The following SSB variants were observed in gnomAD, a reference collection of about 807,000 sequenced individuals.
SSB encodes lupus La protein.
A neutral mutation model predicts 52.9 loss-of-function variants in SSB; 17 were observed. The ratio of observed to expected loss-of-function variants is 0.32; its 90% CI spans 0.22 to 0.48. The LOEUF (loss-of-function observed/expected upper bound fraction) is 0.48, where lower values mean the gene tolerates loss of function less well. Among genes scored for constraint, SSB ranks in the 20% least tolerant of loss-of-function variants. The probability of loss-of-function intolerance (pLI) is 0.99; values close to 1 mark genes in which losing one functional copy is unlikely to be tolerated. For missense variants in SSB, 314 were observed against 463.6 expected, an observed-to-expected ratio of 0.68 and a Z score of 2.96; for synonymous variants, 111 against 152.1, an observed-to-expected ratio of 0.73 and a Z score of 1.99.
Position 169,808,563 on chromosome 2 carries a change from T to A in SSB, c.626+10T>A. On this transcript the variant is annotated intron_variant, in intron 7 of 11. Coordinates refer to ENST00000260956, the MANE Select transcript of SSB (RefSeq NM_003142.5). ...AATTAAGAGCTAAACAGTAAGTATG[T>A]TGAACTAATCACGACATAATTTGAA... 6.3e-6 allele frequency: 10 copies of A among 1,595,430 alleles called. No homozygotes were observed. The highest frequency in any genetic ancestry group is 8.6e-6 in the Non-Finnish European group (10 of 1,163,694).
Position 169,810,855 on chromosome 2 carries a change from T to C in SSB, c.811-3T>C. ...TGGCTTTTGTTTTCTGTCTCTGGTA[T>C]AGGGGATAATTCTATTTAAAGAAAA... is the stretch of plus-strand genomic sequence containing the variant. On this transcript the variant is annotated splice_region_variant and splice_polypyrimidine_tract_variant and intron_variant, in intron 9 of 11. Transcript: ENST00000260956. The C allele has an allele frequency of 1.9e-6, 3 of 1,600,170 alleles. No homozygotes were observed. Among genetic ancestry groups the C allele is most frequent in the Non-Finnish European group, 2.6e-6 (3 of 1,176,470 alleles).
At chr2:169,810,243 CT>C (rs1689919839) in intron 8 of SSB, 39 bp from the exon 9 acceptor site, 1 of 1,534,828 alleles carries the variant, frequency 6.5e-7, no homozygotes, top group African/African-American at 1.4e-5. Context: ...TCTGTTGTTG[CT>C]TTTAAGAAAC....
intron 2 of SSB, among the ~76,000 whole-genome samples, chr2:169,801,476 C>T (rs1323594947): frequency 6.6e-6 from 1 of 150,424 alleles, no homozygotes; most frequent in Non-Finnish European, 1.5e-5. Context: ...TTTTTCTGCC[C>T]AGTCAGTTCT....
rs1038391241 is a variant in SSB at position 169,811,875 on chromosome 2, A to C, written c.*119A>C. On this transcript the variant is annotated 3_prime_UTR_variant, in exon 12 of 12. Transcript: ENST00000260956. ...AATGTCCACCTGTGAGAAAGGAAAA[A>C]TTTTTTTGTTGTTTAACTTGTCTTT... is the stretch of plus-strand genomic sequence containing the variant. The C allele has an allele frequency of 2.2e-5, 36 of 1,611,820 alleles. No individual in the cohort carries two copies. The highest frequency in any genetic ancestry group is 8.9e-5 in the East Asian group (4 of 44,802).
chr2:169,801,106 G>T, intron 2 of SSB, 80 bp downstream of exon 2: 1 of 1,164,556 alleles, frequency 8.6e-7, no homozygotes, highest in South Asian at 1.6e-5. Flanking sequence ...CTAGTACATG[G>T]ACATATTCAA....
At chr2:169,800,143 A>G (rs1460293450) in intron 1 of SSB, among the ~76,000 whole-genome samples, 2 of 152,212 alleles carry the variant, frequency 1.3e-5, no homozygotes, top group Non-Finnish European at 2.9e-5. Flanking sequence ...GTTCCTTAGC[A>G]TAGAGTATCT....
At chr2:169,802,889 A>G (rs1689740133) in intron 2 of SSB, among the ~76,000 whole-genome samples, 1 of 152,200 alleles carries the variant, frequency 6.6e-6, no homozygotes, top group Non-Finnish European at 1.5e-5. Context: ...TTTGTAATCA[A>G]TAATCTTTTC....
At position 169,811,822 on chromosome 2, in the gene SSB, A is replaced by C. The variant is rs1160030451; in HGVS notation, c.*66A>C. 3 of 1,613,690 alleles carry C rather than the reference A, an allele frequency of 1.9e-6. No individual in the cohort carries two copies. The African/African-American group carries it at 4.0e-5, about 21-fold the overall frequency. ...AACGACTTTTGTTTGCGGGGCTTTT[A>C]AAAGGAAAACCGAATTAGGTCCACT... On this transcript the variant is annotated 3_prime_UTR_variant, in exon 12 of 12. Transcript: ENST00000260956.
At chr2:169,809,504 G>C (rs1689899218) in intron 8 of SSB, among the ~76,000 whole-genome samples, 1 of 152,064 alleles carries the variant, frequency 6.6e-6, no homozygotes, top group Non-Finnish European at 1.5e-5. Context: ...CTAATCATAG[G>C]TTAATACTAA....
At chr2:169,808,619 G>C in intron 7 of SSB, 66 bp downstream of exon 7, 1 of 1,415,232 alleles carries the variant, frequency 7.1e-7, no homozygotes, top group Non-Finnish European at 9.9e-7. Context: ...AATATAGCTG[G>C]TGAGCTCTGA....
rs1293599870 is a variant in SSB, at chr2:169,805,460, T to G, written c.67-14T>G. 1 of 1,577,914 alleles carries G rather than the reference T, an allele frequency of 6.3e-7. No individual in the cohort carries two copies. Among genetic ancestry groups the G allele is most frequent in the Admixed American group, 1.7e-5 (1 of 59,934 alleles). ...TTATACAGTGTTCTGAAATACATTG[T>G]AATTATCTCACAGTATTATTTTGGC... is the stretch of plus-strand genomic sequence containing the variant. On this transcript the variant is annotated splice_polypyrimidine_tract_variant and intron_variant, in intron 2 of 11. Transcript: ENST00000260956.
chr2:169,804,240 CTTTTTTT>C (rs11447613), intron 2 of SSB, among the ~76,000 whole-genome samples: 3 of 95,342 alleles, frequency 3.1e-5, no homozygotes, highest in African/African-American at 1.3e-4. Context: ...TTTACTTTAA[CTTTTTTT>C]TTTTTTTTTT....
In SSB at chr2:169,810,324, G is replaced by A. The variant is rs377399178; in HGVS notation, c.711G>A (p.Ser237=). The A allele has an allele frequency of 3.4e-5, 55 of 1,605,532 alleles. No homozygotes were observed. The East Asian group carries it at 6.9e-4, about 20-fold the overall frequency. Residue 237 remains serine (S), a synonymous_variant, in exon 9 of 12, where the codon TCG becomes TCA. Transcript: ENST00000260956. The part of the protein sequence containing the change: ...EEKIGCLLKF[S]GDLDDQTCRE... ...AGATTGGATGCTTGCTGAAATTTTC[G>A]GGTGATTTAGATGATCAGACCTGTA...
At chr2:169,806,757 T>G in intron 4 of SSB, 28 bp from the exon 5 acceptor site, 2 of 1,528,448 alleles carry the variant, frequency 1.3e-6, no homozygotes, top group Non-Finnish European at 1.8e-6. Flanking sequence ...TTATTTGTTA[T>G]TTGTACATTT....
At chr2:169,802,489 TTATGAC>T (rs893348852) in intron 2 of SSB, among the ~76,000 whole-genome samples, 76 of 152,140 alleles carry the variant, frequency 5.0e-4, no homozygotes, top group South Asian at 8.3e-4. Flanking sequence ...ATTAATTTCT[TTATGAC>T]TATGAGGAGA....
chr2:169,805,084 C>G (rs1689800878), intron 2 of SSB, among the ~76,000 whole-genome samples: 1 of 152,054 alleles, frequency 6.6e-6, no homozygotes, highest in Admixed American at 6.6e-5. Flanking sequence ...AAGCTGAGTT[C>G]ATGCCACTGC....
intron 2 of SSB, 83 bp downstream of exon 2, chr2:169,801,109 A>G: frequency 6.2e-6 from 7 of 1,131,102 alleles, no homozygotes; most frequent in Non-Finnish European, 8.7e-6. Flanking sequence ...GTACATGGAC[A>G]TATTCAACAT....
Position 169,805,673 on chromosome 2 carries a change from G to A in SSB, c.179G>A (p.Arg60His), listed in dbSNP as rs891627030. Residue 60 changes from arginine (R) to histidine (H), a missense_variant, in exon 4 of 12, where the codon CGT becomes CAT. Transcript: ENST00000260956. ...TTATATGTACTCTTCAGGTTGAACC[G>A]TCTAACAACAGACTTTAATGTAATT... ...EIMIKFNRLN[R>H]LTTDFNVIVE... 16 of 1,613,784 alleles carry A rather than the reference G, an allele frequency of 9.9e-6. 1 individual carries two copies. Among genetic ancestry groups the A allele is most frequent in the East Asian group, 4.5e-5 (2 of 44,874 alleles).
Position 169,805,493 on chromosome 2 carries a change from A to G in SSB, c.86A>G (p.Asn29Ser), listed in dbSNP as rs769907654. 35 of 1,613,224 alleles carry G rather than the reference A, an allele frequency of 2.2e-5. No individual in the cohort carries two copies. Among genetic ancestry groups the G allele is most frequent in the African/African-American group, 6.7e-5 (5 of 74,926 alleles). Residue 29 changes from asparagine (N) to serine (S), a missense_variant, in exon 3 of 12, where the codon AAT (asparagine) becomes AGT (serine). Physicochemically the swap from Asn to Ser is conservative, Grantham distance 46. Transcript: ENST00000260956. ...TCACAGTATTATTTTGGCGACTTCAATTTGCCACGGGACAAGTTTCTAAAG... is the reference window on the plus strand; with the variant it reads ...TCACAGTATTATTTTGGCGACTTCAGTTTGCCACGGGACAAGTTTCTAAAG... ...HQIEYYFGDF[N>S]LPRDKFLKEQ... is the part of the protein sequence containing the mutation.
Sources: gnomAD v4.1 joint callset for allele counts (sites outside exome capture counted in the v4.1 genomes callset) on GRCh38, gnomAD v4.1.1 for gene constraint, MANE v1.5 for transcripts, NCBI Gene and HGNC (gene_info 2026-07-23, HGNC 2026-07-21) for gene names.